Variants in KDM4C observed in about 807,000 individuals in gnomAD.
The protein encoded by KDM4C is lysine-specific demethylase 4C.
Under a neutral mutation model 129.3 loss-of-function variants are expected in KDM4C, and 81 were observed. That is an observed-to-expected ratio of 0.63 (90% CI 0.52 to 0.75). The LOEUF is 0.75. Ranked by LOEUF, KDM4C falls within the 30% of genes least tolerant of loss-of-function variation. The pLI, the probability that KDM4C is intolerant of heterozygous loss-of-function variation, is 0.00. For synonymous variants in KDM4C, 573 were observed against 456.1 expected, an observed-to-expected ratio of 1.26 and a Z score of -3.26; for missense variants, 1,457 against 1,304.0, an observed-to-expected ratio of 1.12 and a Z score of -1.81.
upstream of KDM4C, among the ~76,000 whole-genome samples, chr9:6,753,108 G>A (rs1818129794): frequency 1.3e-5 from 2 of 152,176 alleles, no homozygotes; most frequent in Admixed American, 6.6e-5. Flanking sequence ...CTACCCCAAT[G>A]GATGGTTTGG....
At chr9:6,806,498 A>AAAAT (rs3072002) in intron 3 of KDM4C, among the ~76,000 whole-genome samples, 26,979 of 146,650 alleles carry the variant, frequency 0.18, 2,732 homozygotes, top group South Asian at 0.34. Flanking sequence ...CCGTCTCGAA[A>AAAAT]AAATAAATAA....
At chr9:6,771,815 C>T (rs1324345682) in intron 1 of KDM4C, among the ~76,000 whole-genome samples, 1 of 151,758 alleles carries the variant, frequency 6.6e-6, no homozygotes, top group East Asian at 2.0e-4. Context: ...GGCTCGCTGC[C>T]CAGGCTGAGT....
chr9:6,797,839 C>T (rs1467075909), intron 2 of KDM4C, among the ~76,000 whole-genome samples: 1 of 152,244 alleles, frequency 6.6e-6, no homozygotes, highest in Non-Finnish European at 1.5e-5. Flanking sequence ...AGAAAGTTTC[C>T]CACAGGGAAT....
intron 4 of KDM4C, among the ~76,000 whole-genome samples, chr9:6,846,556 CTG>C (rs762803428): frequency 2.0e-5 from 3 of 152,158 alleles, no homozygotes; most frequent in African/African-American, 2.4e-5. Flanking sequence ...AGATTTATCT[CTG>C]TTGGTTATTC....
chr9:6,908,517 C>T (rs972798147), intron 8 of KDM4C, among the ~76,000 whole-genome samples: 21 of 152,056 alleles, frequency 1.4e-4, no homozygotes, highest in African/African-American at 4.1e-4. Context: ...CGGGCGTCCA[C>T]GGAAGGACCC....
intron 6 of KDM4C, among the ~76,000 whole-genome samples, chr9:6,886,587 G>A (rs934177033): frequency 2.6e-5 from 4 of 151,506 alleles, no homozygotes; most frequent in African/African-American, 9.7e-5. Context: ...TACCTCCCGG[G>A]TTCAAGCAAT....
At chr9:7,158,896 TG>T (rs1450005280) in intron 19 of KDM4C, among the ~76,000 whole-genome samples, 1 of 152,190 alleles carries the variant, frequency 6.6e-6, no homozygotes, top group Non-Finnish European at 1.5e-5. Flanking sequence ...TGGATATCCT[TG>T]TTAACCTTCT....
At chr9:6,976,358 A>T (rs1563919063) in intron 8 of KDM4C, among the ~76,000 whole-genome samples, 1 of 152,182 alleles carries the variant, frequency 6.6e-6, no homozygotes, top group Non-Finnish European at 1.5e-5. Context: ...TAGATTCTTA[A>T]TTCTTACTGT....
chr9:7,160,207 T>A (rs1443413185), intron 19 of KDM4C, among the ~76,000 whole-genome samples: 1 of 152,184 alleles, frequency 6.6e-6, no homozygotes, highest in Non-Finnish European at 1.5e-5. Context: ...TTCTCCACAC[T>A]GTTTATTCTA....
chr9:7,057,735 A>G (rs1587325867), intron 17 of KDM4C, among the ~76,000 whole-genome samples: 1 of 152,326 alleles, frequency 6.6e-6, no homozygotes, highest in South Asian at 2.1e-4. Flanking sequence ...AGGCCTGTTA[A>G]ACTGGCGTGT....
At chr9:7,129,688 A>G (rs532468220) in intron 19 of KDM4C, among the ~76,000 whole-genome samples, 49 of 152,284 alleles carry the variant, frequency 3.2e-4, no homozygotes, top group African/African-American at 1.0e-3. Flanking sequence ...CCGTGGACCC[A>G]TGTCTAGAAC....
At chr9:6,952,497 G>A (rs1241893896) in intron 8 of KDM4C, among the ~76,000 whole-genome samples, 2 of 151,618 alleles carry the variant, frequency 1.3e-5, no homozygotes, top group African/African-American at 4.8e-5. Context: ...CTGGAGTGCA[G>A]TGGCACGATC....
chr9:7,008,519 T>G (rs1173200600), intron 12 of KDM4C, among the ~76,000 whole-genome samples: 3 of 152,200 alleles, frequency 2.0e-5, no homozygotes, highest in Non-Finnish European at 4.4e-5. Flanking sequence ...GCAGCACTTG[T>G]GGACCTGGGT....
chr9:6,882,581 A>G (rs1844620297), intron 6 of KDM4C, among the ~76,000 whole-genome samples: 1 of 152,218 alleles, frequency 6.6e-6, no homozygotes. Context: ...GCCAGTTTTG[A>G]AAGTGTGAAC....
chr9:6,852,706 A>G (rs1263780198), intron 5 of KDM4C, among the ~76,000 whole-genome samples: 7 of 152,020 alleles, frequency 4.6e-5, no homozygotes, highest in Non-Finnish European at 8.8e-5. Flanking sequence ...CTGACCTTAT[A>G]GGTTGGCATT....
chr9:6,976,594 G>T (rs2792229), intron 8 of KDM4C, among the ~76,000 whole-genome samples: 103 of 152,216 alleles, frequency 6.8e-4, no homozygotes, highest in Non-Finnish European at 1.4e-3. Flanking sequence ...GCTTTGTGTT[G>T]GATAGAATAT....
At chr9:6,738,308 C>A (rs556139001) in intron 1 of KDM4C, among the ~76,000 whole-genome samples, 29 of 152,212 alleles carry the variant, frequency 1.9e-4, no homozygotes, top group African/African-American at 6.5e-4. Context: ...GAAACCCCGT[C>A]TCTACTAAAA....
chr9:6,828,315 T>C (rs1834220506), intron 4 of KDM4C, among the ~76,000 whole-genome samples: 1 of 151,876 alleles, frequency 6.6e-6, no homozygotes, highest in Non-Finnish European at 1.5e-5. Flanking sequence ...GCCCGGCTAA[T>C]TTTTTGTATT....
chr9:7,114,876 C>T (rs960461256), intron 18 of KDM4C, among the ~76,000 whole-genome samples: 3 of 152,018 alleles, frequency 2.0e-5, no homozygotes, highest in South Asian at 2.1e-4. Context: ...GAGGCCGAGG[C>T]GATATCAGCC....
Sources: allele counts gnomAD v4.1 joint callset (sites outside exome capture counted in the v4.1 genomes callset), GRCh38; gene constraint gnomAD v4.1.1; transcripts MANE v1.5; gene names NCBI Gene and HGNC (gene_info 2026-07-23, HGNC 2026-07-21).